Variants in DTD1 observed in about 807,000 individuals in gnomAD.
DTD1 encodes the protein D-aminoacyl-tRNA deacylase 1.
A neutral mutation model predicts 25.6 loss-of-function variants in DTD1; 13 were observed. The observed-to-expected ratio is 0.51, with a 90% CI of 0.33 to 0.81. DTD1 has a LOEUF of 0.81. DTD1 is among the 30% of genes least tolerant of loss of function. The pLI is 0.02. For synonymous variants in DTD1, 110 were observed against 103.6 expected, an observed-to-expected ratio of 1.06 and a Z score of -0.37; for missense variants, 193 against 266.4, an observed-to-expected ratio of 0.72 and a Z score of 1.92.
At chr20:18,627,191 A>G (rs1369117785) in intron 3 of DTD1, among the ~76,000 whole-genome samples, 1 of 150,810 alleles carries the variant, frequency 6.6e-6, no homozygotes, top group East Asian at 1.9e-4. Flanking sequence ...GGGCCAAAGA[A>G]AGCTGTCTGT....
intron 4 of DTD1, among the ~76,000 whole-genome samples, chr20:18,638,282 T>C (rs2060815939): frequency 6.6e-6 from 1 of 152,186 alleles, no homozygotes; most frequent in Non-Finnish European, 1.5e-5. Flanking sequence ...TATTATTGGG[T>C]GCTTGCTCTG....
chr20:18,764,516 ACT>A lies in DTD1; in HGVS notation c.*1179_*1180del, dbSNP rs2061374268. Reference sequence around the variant, plus strand: ...TAATTGTGATTTTTATAATGCTGAAACTCTGTCTTCTGTGACCTCTATAATAA... The same window carrying A: ...TAATTGTGATTTTTATAATGCTGAAACTGTCTTCTGTGACCTCTATAATAA... On this transcript the variant is annotated 3_prime_UTR_variant, in exon 6 of 6. Transcript: ENST00000377452. 6.6e-6 allele frequency: 1 copy of A among 152,076 alleles called. No homozygotes were observed. The highest frequency in any genetic ancestry group is 6.6e-5 in the Admixed American group (1 of 15,260). The allele number at this position is 152,076 out of a possible 1,614,324, so 9.4% of individuals were successfully genotyped here.
chr20:18,759,399 C>T (rs1414892486), intron 5 of DTD1, among the ~76,000 whole-genome samples: 4 of 152,140 alleles, frequency 2.6e-5, no homozygotes, highest in Non-Finnish European at 4.4e-5. Context: ...ATGTTTAGTG[C>T]TTCCTTCAGG....
chr20:18,649,137 G>T, intron 4 of DTD1, among the ~76,000 whole-genome samples: 1 of 146,034 alleles, frequency 6.8e-6, no homozygotes, highest in African/African-American at 2.5e-5. Context: ...CCTTCTTTTT[G>T]TCTCACACAT....
chr20:18,720,247 T>A (rs1316175337), intron 4 of DTD1, among the ~76,000 whole-genome samples: 1 of 152,170 alleles, frequency 6.6e-6, no homozygotes, highest in Non-Finnish European at 1.5e-5. Context: ...GGGAGGAAAA[T>A]GACCAATTGG....
At chr20:18,708,244 AAT>A (rs1555801970) in intron 4 of DTD1, among the ~76,000 whole-genome samples, 1 of 41,422 alleles carries the variant, frequency 2.4e-5, no homozygotes, top group African/African-American at 1.3e-4. Context: ...ATATATATAT[AAT>A]ATATATTATA....
intron 4 of DTD1, among the ~76,000 whole-genome samples, chr20:18,740,743 G>T (rs1366763476): frequency 1.3e-5 from 2 of 152,138 alleles, no homozygotes; most frequent in African/African-American, 4.8e-5. Flanking sequence ...GTAGTAATGG[G>T]TATATCCACA....
chr20:18,752,329 C>T (rs942582107), intron 5 of DTD1, among the ~76,000 whole-genome samples: 27 of 152,046 alleles, frequency 1.8e-4, no homozygotes, highest in African/African-American at 5.8e-4. Context: ...ATATATGGTA[C>T]ATCTTTTGCA....
chr20:18,629,066 G>A (rs887439669), intron 4 of DTD1, among the ~76,000 whole-genome samples: 9 of 144,022 alleles, frequency 6.2e-5, no homozygotes, highest in African/African-American at 2.3e-4. Flanking sequence ...GCGCCATCTT[G>A]GCTCACCGCA....
At chr20:18,633,778 T>C (rs1157169826) in intron 4 of DTD1, among the ~76,000 whole-genome samples, 10 of 152,368 alleles carry the variant, frequency 6.6e-5, no homozygotes, top group African/African-American at 2.2e-4. Flanking sequence ...CTCAGAGCTC[T>C]ACTTATGTGA....
rs563537942 is a variant in DTD1 at position 18,619,081 on chromosome 20, G to A, written c.371-9046G>A. On this transcript the variant is annotated intron_variant, in intron 3 of 5. Coordinates refer to ENST00000377452, the MANE Select transcript of DTD1 (RefSeq NM_080820.6). ...GCTGGTCTCAAGTTCCTAGGCTCAA[G>A]CCGTCTTCCCACCTTAGCCTCCCAA... 5.9e-5 allele frequency among the ~76,000 whole-genome samples: 9 copies of A among 152,252 alleles called. No individual in the cohort carries two copies. The East Asian group carries it at 1.7e-3, about 29-fold the overall frequency.
intron 4 of DTD1, among the ~76,000 whole-genome samples, chr20:18,628,583 G>A (rs1255700125): frequency 2.0e-5 from 3 of 152,144 alleles, no homozygotes; most frequent in African/African-American, 7.2e-5. Context: ...CACCCATTCC[G>A]AATGGTTACC....
chr20:18,639,204 C>T (rs1180699262), intron 4 of DTD1, among the ~76,000 whole-genome samples: 2 of 142,048 alleles, frequency 1.4e-5, no homozygotes, highest in Non-Finnish European at 3.0e-5. Context: ...AAAAAGCAAG[C>T]AAGTTCAGGG....
chr20:18,622,088 T>C (rs558864949), intron 3 of DTD1, among the ~76,000 whole-genome samples: 1 of 152,186 alleles, frequency 6.6e-6, no homozygotes, highest in African/African-American at 2.4e-5. Flanking sequence ...TTATTTTGCT[T>C]TAAGTTCTGG....
intron 1 of DTD1, chr20:18,588,991 A>G (rs2060577972): frequency 1.6e-6 from 1 of 636,904 alleles, no homozygotes; most frequent in South Asian, 7.0e-5. Flanking sequence ...AAATAATTTC[A>G]GATATCCTGT....
intron 4 of DTD1, among the ~76,000 whole-genome samples, chr20:18,636,780 G>T (rs1453834152): frequency 1.3e-5 from 2 of 152,228 alleles, no homozygotes; most frequent in African/African-American, 4.8e-5. Flanking sequence ...CCCAAGAAGT[G>T]AAGAGGCTGG....
chr20:18,699,379 A>G (rs1040188109), intron 4 of DTD1, among the ~76,000 whole-genome samples: 1 of 152,168 alleles, frequency 6.6e-6, no homozygotes, highest in African/African-American at 2.4e-5. Context: ...AAGGCCAGAG[A>G]AGTGGGAGAT....
intron 4 of DTD1, among the ~76,000 whole-genome samples, chr20:18,642,384 T>C (rs2060832287): frequency 6.6e-6 from 1 of 152,198 alleles, no homozygotes; most frequent in African/African-American, 2.4e-5. Context: ...TAGGGTAGTG[T>C]GATGCCTCTT....
intron 3 of DTD1, among the ~76,000 whole-genome samples, chr20:18,623,607 G>A (rs1405819631): frequency 6.6e-6 from 1 of 152,082 alleles, no homozygotes; most frequent in Admixed American, 6.6e-5. Flanking sequence ...CCTCACCTGG[G>A]ACATGCACAC....
Sources: allele counts gnomAD v4.1 joint callset (sites outside exome capture counted in the v4.1 genomes callset), GRCh38; gene constraint gnomAD v4.1.1; transcripts MANE v1.5; gene names NCBI Gene and HGNC (gene_info 2026-07-23, HGNC 2026-07-21).